ZNF653: variants seen among roughly 807,000 people sequenced by gnomAD.
The protein encoded by ZNF653 is 67 kDa zinc finger protein.
Under a neutral mutation model 59.9 loss-of-function variants are expected in ZNF653, and 37 were observed. The observed-to-expected ratio is 0.62, with a 90% CI of 0.48 to 0.81. The LOEUF (loss-of-function observed/expected upper bound fraction) is 0.81, where lower values mean the gene tolerates loss of function less well. Ranked by LOEUF, ZNF653 falls within the 40% of genes least tolerant of loss-of-function variation. The pLI is 0.00. For missense variants in ZNF653, 808 were observed against 881.1 expected (o/e 0.92, Z 1.05); for synonymous variants, 435 against 371.8 (o/e 1.17, Z -1.96).
At chr19:11,496,190 G>C in intron 2 of ZNF653, 25 bp from the exon 3 acceptor site, 1 of 1,608,552 alleles carries the variant, frequency 6.2e-7, no homozygotes, top group Non-Finnish European at 8.5e-7. Context: ...CCGAGGAGTG[G>C]GTATAAGGGA....
Position 11,483,503 on chromosome 19 carries a change from A to G in ZNF653, c.*179T>C, listed in dbSNP as rs1391097086. ...AATGCAGCCCCAGGCACCAGCTCCG[A>G]GAAGGATGCGGTGGGGCGGGGTGGG... On this transcript the variant is annotated 3_prime_UTR_variant, in exon 9 of 9. Coordinates refer to ENST00000293771, the MANE Select transcript of ZNF653 (RefSeq NM_138783.4). 1 of 1,399,406 alleles carries G rather than the reference A, an allele frequency of 7.1e-7. No homozygotes were observed. The highest frequency in any genetic ancestry group is 9.3e-7 in the Non-Finnish European group (1 of 1,077,608). 86.7% of individuals were successfully genotyped at this position (1,399,406 alleles called of 1,614,324 possible). A position where few individuals can be genotyped will look rare whatever the true frequency, so the allele number is the denominator to read the frequency against.
At chr19:11,484,963 T>C (rs1971449701) in intron 7 of ZNF653, among the ~76,000 whole-genome samples, 1 of 151,430 alleles carries the variant, frequency 6.6e-6, no homozygotes, top group South Asian at 2.1e-4. Context: ...GGCAGAAGAA[T>C]TGCTTGAACC....
At position 11,487,609 on chromosome 19, in the gene ZNF653, A is replaced by G. The variant is rs776463279; in HGVS notation, c.854T>C (p.Val285Ala). ...TVVCVPVPVQVGAGPSALFEN... is the reference protein window; with the variant it reads ...TVVCVPVPVQAGAGPSALFEN... ...AAAGAGGGCGCTGGGGCCCGCACCC[A>G]CTTGCACAGGCACCGGCACGCACAC... Residue 285 changes from valine to alanine, a missense_variant, in exon 4 of 9, where the codon GTG (valine) becomes GCG (alanine). By Grantham distance (64) the Val-to-Ala change is moderately conservative. Coordinates refer to ENST00000293771, the MANE Select transcript of ZNF653 (RefSeq NM_138783.4). This position sits in a 1 kb window ranked among gnomAD's most constrained non-coding sequence, Gnocchi z 5.1. 1 of 1,613,826 alleles carries G rather than the reference A, an allele frequency of 6.2e-7. No individual in the cohort carries two copies. Among genetic ancestry groups the G allele is most frequent in the Non-Finnish European group, 8.5e-7 (1 of 1,179,966 alleles).
chr19:11,497,143 C>T (rs568344613), intron 2 of ZNF653, among the ~76,000 whole-genome samples: 2 of 152,364 alleles, frequency 1.3e-5, no homozygotes, highest in African/African-American at 4.8e-5. Context: ...TCTAGCCGAC[C>T]TTAACTTTGC....
chr19:11,495,663 A>C lies in ZNF653; in HGVS notation c.559+287T>G. The C allele has an allele frequency of 2.3e-6, 1 of 432,422 alleles. No individual in the cohort carries two copies. Among genetic ancestry groups the C allele is most frequent in the Non-Finnish European group, 4.3e-6 (1 of 233,200 alleles). 26.8% of individuals were successfully genotyped at this position (432,422 alleles called of 1,614,324 possible). ...CTGCCCCCGCCCCAGCTGCCAAGCC[A>C]GGGCTCCTGGGCCCTCAGCCAGCCC... On this transcript the variant is annotated intron_variant, in intron 3 of 8. Transcript: ENST00000293771. This position sits in a 1 kb window ranked among gnomAD's most constrained non-coding sequence, Gnocchi z 4.9.
chr19:11,498,416 C>T, intron 1 of ZNF653, 77 bp from the exon 2 acceptor site: 1 of 1,578,936 alleles, frequency 6.3e-7, no homozygotes, highest in Non-Finnish European at 8.7e-7. Context: ...ACAACAGTGG[C>T]TAGAGCCACT....
intron 2 of ZNF653, among the ~76,000 whole-genome samples, chr19:11,496,470 G>A (rs537669978): frequency 6.6e-6 from 1 of 152,200 alleles, no homozygotes; most frequent in Admixed American, 6.5e-5. Flanking sequence ...CTAGACCAGC[G>A]CAGTCCTCAG....
chr19:11,493,999 A>G (rs931646316), intron 3 of ZNF653, among the ~76,000 whole-genome samples: 7 of 151,880 alleles, frequency 4.6e-5, no homozygotes, highest in Non-Finnish European at 7.4e-5. Context: ...AGCCTGGGCA[A>G]CCGTGAGACC....
chr19:11,500,087 A>G (rs185810481), intron 1 of ZNF653, among the ~76,000 whole-genome samples: 58 of 152,160 alleles, frequency 3.8e-4, no homozygotes, highest in African/African-American at 1.4e-3. Context: ...TGCCACAAAC[A>G]TCCTGACAGC....
Position 11,505,673 on chromosome 19 carries a change from T to C in ZNF653, c.114A>G (p.Arg38=). The part of the protein sequence containing the change: ...AAGRKARGRP[R]LTESDRARRR... ...GCCGGGCCCGGTCCGACTCCGTGAG[T>C]CGCGGCCGGCCCCGCGCCTTTCGGC... The change falls in exon 1 of 9, where the codon CGA becomes CGG. Residue 38 remains arginine, a synonymous_variant. Coordinates refer to ENST00000293771, the MANE Select transcript of ZNF653 (RefSeq NM_138783.4). 6.7e-7 allele frequency: 1 copy of C among 1,491,926 alleles called. No individual in the cohort carries two copies. 92.4% of individuals were successfully genotyped at this position (1,491,926 alleles called of 1,614,324 possible). A position where few individuals can be genotyped will look rare whatever the true frequency, so the allele number is the denominator to read the frequency against.
In ZNF653 at chr19:11,484,112, C is replaced by T; in HGVS notation, c.1600G>A (p.Gly534Ser). The stretch of plus-strand genomic sequence containing the variant: ...TGGTTCTTCCTCTTGAAGGACTTGC[C>T]GCAGGTCTCGCAGGTGAATTCACGG... Reference protein sequence around the residue: ...GVREFTCETCGKSFKRKNHLE... With the variant: ...GVREFTCETCSKSFKRKNHLE... Residue 534 changes from glycine to serine, a missense_variant, in exon 8 of 9, where the codon GGC (glycine) becomes AGC (serine). Coordinates refer to ENST00000293771, the MANE Select transcript of ZNF653 (RefSeq NM_138783.4). 7 of 1,554,838 alleles carry T rather than the reference C, an allele frequency of 4.5e-6. No individual in the cohort carries two copies. Among genetic ancestry groups the T allele is most frequent in the Non-Finnish European group, 5.2e-6 (6 of 1,149,002 alleles).
chr19:11,498,305 G>A lies in ZNF653; in HGVS notation c.334C>T (p.Arg112Trp), dbSNP rs374324752. ...PWEQVPKKPK[R>W]KKRRRRNVNC... The stretch of plus-strand genomic sequence containing the variant: ...CTGAGCCTCCACTTACTTTTCTTCC[G>A]CTTTGGCTTTTTGGGGACCTGCTCC... The change falls in exon 2 of 9, where the codon CGG (arginine) becomes TGG (tryptophan). Residue 112 changes from arginine to tryptophan, a missense_variant. Transcript: ENST00000293771. The A allele has an allele frequency of 3.2e-5, 52 of 1,613,914 alleles. No homozygotes were observed. The highest frequency in any genetic ancestry group is 1.6e-4 in the Middle Eastern group (1 of 6,082).
rs953508048 is a variant in ZNF653, at chr19:11,505,457, C to T, written c.299+31G>A. On this transcript the variant is annotated intron_variant, in intron 1 of 8. Transcript: ENST00000293771. ...CCGGCGGGGTCTGGGGGCGTCTCCT[C>T]CCTCCCTCCCTCGGGGCCAGGCCCC... is the stretch of plus-strand genomic sequence containing the variant. 4 of 1,391,890 alleles carry T rather than the reference C, an allele frequency of 2.9e-6. No homozygotes were observed. In the African/African-American group the frequency reaches 4.6e-5, roughly 16 times the overall value. The allele number at this position is 1,391,890 out of a possible 1,614,324, so 86.2% of individuals were successfully genotyped here. A position where few individuals can be genotyped will look rare whatever the true frequency, so the allele number is the denominator to read the frequency against.
At position 11,485,686 on chromosome 19, in the gene ZNF653, G is replaced by A; in HGVS notation, c.1540C>T (p.His514Tyr). The A allele has an allele frequency of 6.2e-7, 1 of 1,614,072 alleles. No individual in the cohort carries two copies. Among genetic ancestry groups the A allele is most frequent in the Non-Finnish European group, 8.5e-7 (1 of 1,179,970 alleles). Reference protein sequence around the residue: ...GCGKKFYLSNHLRRHMIIHSG... With the variant: ...GCGKKFYLSNYLRRHMIIHSG... The stretch of plus-strand genomic sequence containing the variant: ...TGGATGATCATGTGCCGCCGCAGGT[G>A]GTTGGATAAATAGAACTTCTTGCCA... Residue 514 changes from histidine to tyrosine, a missense_variant, in exon 7 of 9, where the codon CAC becomes TAC. Coordinates refer to ENST00000293771, the MANE Select transcript of ZNF653 (RefSeq NM_138783.4).
At chr19:11,501,175 CT>C (rs1182295206) in intron 1 of ZNF653, among the ~76,000 whole-genome samples, 5,347 of 143,424 alleles carry the variant, frequency 0.037, 203 homozygotes, top group African/African-American at 0.11. Flanking sequence ...TTCCCCATAT[CT>C]TTTTTTTTTT....
chr19:11,489,712 A>C (rs984710539), intron 3 of ZNF653, among the ~76,000 whole-genome samples: 1 of 152,104 alleles, frequency 6.6e-6, no homozygotes, highest in East Asian at 1.9e-4. Flanking sequence ...GTCACTTCTC[A>C]ATCCCCACTG....
rs1971608169 is a variant in ZNF653 at position 11,498,205 on chromosome 19, A to C, written c.343+91T>G. On this transcript the variant is annotated intron_variant, in intron 2 of 8. Transcript: ENST00000293771. ...TCTGCTGGTTCCAACTGTGCTGCCT[A>C]GGGCAGCGACCTGGCCTCTCTGGGC... 36 of 1,566,926 alleles carry C rather than the reference A, an allele frequency of 2.3e-5. No homozygotes were observed. The South Asian group carries it at 3.9e-4, about 17-fold the overall frequency.
chr19:11,487,991 TTTA>T lies in ZNF653; in HGVS notation c.560-91_560-89del, dbSNP rs1971489322. 3.5e-6 allele frequency: 4 copies of T among 1,154,610 alleles called. No homozygotes were observed. Among genetic ancestry groups the T allele is most frequent in the Non-Finnish European group, 4.4e-6 (4 of 918,738 alleles). The allele number at this position is 1,154,610 out of a possible 1,614,324, so 71.5% of individuals were successfully genotyped here. A position where few individuals can be genotyped will look rare whatever the true frequency, so the allele number is the denominator to read the frequency against. On this transcript the variant is annotated intron_variant, in intron 3 of 8. Coordinates refer to ENST00000293771, the MANE Select transcript of ZNF653 (RefSeq NM_138783.4). This position sits in a 1 kb window ranked among gnomAD's most constrained non-coding sequence, Gnocchi z 5.1. ...GTTTTTATTTTATTTTATTTATTTA[TTTA>T]TTTATTTTTTTGAGACAGAGTCTCA...
At chr19:11,485,920 C>T (rs1481010788) in intron 6 of ZNF653, 150 bp from the exon 7 acceptor site, 6 of 651,002 alleles carry the variant, frequency 9.2e-6, no homozygotes, top group Middle Eastern at 3.5e-4. Flanking sequence ...CAGAGATTCC[C>T]AGGGGCACAA....
Sources: allele counts gnomAD v4.1 joint callset (sites outside exome capture counted in the v4.1 genomes callset), GRCh38; gene constraint gnomAD v4.1.1; non-coding constraint Gnocchi (gnomAD v3.1); transcripts MANE v1.5; gene names NCBI Gene and HGNC (gene_info 2026-07-23, HGNC 2026-07-21).